Variants in BMP2K observed in about 807,000 individuals in gnomAD.
The protein encoded by BMP2K is BMP2 inducible kinase, also known as BMP-2-inducible protein kinase.
A neutral mutation model predicts 116.0 loss-of-function variants in BMP2K; 74 were observed. That is an observed-to-expected ratio of 0.64 (90% CI 0.53 to 0.77). BMP2K has a LOEUF of 0.77. Among genes scored for constraint, BMP2K ranks in the 30% least tolerant of loss-of-function variants. The probability of loss-of-function intolerance (pLI) is 0.00; values close to 1 mark genes in which losing one functional copy is unlikely to be tolerated. For synonymous variants in BMP2K, 486 were observed against 502.5 expected, an observed-to-expected ratio of 0.97 and a Z score of 0.44; for missense variants, 1,365 against 1,403.6, an observed-to-expected ratio of 0.97 and a Z score of 0.44.
At position 78,819,491 on chromosome 4, in the gene BMP2K, C is replaced by G. The variant is rs75857931; in HGVS notation, c.179-6546C>G. Among the ~76,000 whole-genome samples, 13 of 152,258 alleles carry G rather than the reference C, an allele frequency of 8.5e-5. No individual in the cohort carries two copies. The East Asian group carries it at 2.3e-3, about 27-fold the overall frequency. On this transcript the variant is annotated intron_variant, in intron 1 of 15. Transcript: ENST00000502613. ...CTTTAGAGTAGTCCTATGAGGAGAC[C>G]TTATTATCTCTGCTGAAAGTATAAG...
At chr4:78,887,409 CT>C in intron 15 of BMP2K, 125 bp downstream of exon 15, 1 of 716,084 alleles carries the variant, frequency 1.4e-6, no homozygotes. Context: ...ATATTTTAAC[CT>C]TTAGCCATCC....
At chr4:78,790,400 TAA>T (rs1727941914) in intron 1 of BMP2K, among the ~76,000 whole-genome samples, 1 of 152,132 alleles carries the variant, frequency 6.6e-6, no homozygotes, top group Non-Finnish European at 1.5e-5. Context: ...TACATCCCAG[TAA>T]TAGTTAGAAA....
intron 9 of BMP2K, among the ~76,000 whole-genome samples, chr4:78,864,627 T>C (rs1162751682): frequency 1.3e-5 from 2 of 151,914 alleles, no homozygotes; most frequent in African/African-American, 2.4e-5. Flanking sequence ...CACACAGATA[T>C]TGGGAAATAA....
intron 1 of BMP2K, among the ~76,000 whole-genome samples, chr4:78,792,978 C>CAT (rs1468546812): frequency 6.6e-6 from 1 of 151,974 alleles, no homozygotes; most frequent in African/African-American, 2.4e-5. Flanking sequence ...AACAACATAT[C>CAT]ATATAGATTT....
intron 1 of BMP2K, among the ~76,000 whole-genome samples, chr4:78,794,529 T>C (rs1728160775): frequency 6.6e-6 from 1 of 152,172 alleles, no homozygotes; most frequent in Admixed American, 6.5e-5. Flanking sequence ...TGAGCATTAA[T>C]AGTGTTTGAA....
At chr4:78,893,724 G>A (rs920157432) in intron 15 of BMP2K, among the ~76,000 whole-genome samples, 1 of 152,096 alleles carries the variant, frequency 6.6e-6, no homozygotes, top group African/African-American at 2.4e-5. Flanking sequence ...TACAACACCT[G>A]CGAAATTCTT....
chr4:78,862,907 T>C (rs1240050764), intron 9 of BMP2K, among the ~76,000 whole-genome samples: 1 of 152,120 alleles, frequency 6.6e-6, no homozygotes. Context: ...TCCACTGTTA[T>C]AGTTGAGTGT....
At chr4:78,821,251 G>T (rs577736035) in intron 1 of BMP2K, among the ~76,000 whole-genome samples, 33 of 152,262 alleles carry the variant, frequency 2.2e-4, no homozygotes, top group African/African-American at 7.7e-4. Flanking sequence ...GTGATGATGC[G>T]CTTTGTGTAA....
At chr4:78,873,044 A>T (rs1038254767) in intron 13 of BMP2K, among the ~76,000 whole-genome samples, 2 of 152,076 alleles carry the variant, frequency 1.3e-5, no homozygotes, top group Non-Finnish European at 2.9e-5. Flanking sequence ...AGGGCTAAGG[A>T]TATTATTGGC....
At chr4:78,812,873 T>A (rs968145899) in intron 1 of BMP2K, among the ~76,000 whole-genome samples, 1 of 151,744 alleles carries the variant, frequency 6.6e-6, no homozygotes, top group Non-Finnish European at 1.5e-5. Context: ...CACACCCCCA[T>A]CTCTACCAAA....
At chr4:78,823,515 T>C (rs1729725821) in intron 1 of BMP2K, among the ~76,000 whole-genome samples, 1 of 147,714 alleles carries the variant, frequency 6.8e-6, no homozygotes, top group Non-Finnish European at 1.5e-5. Context: ...TATATATAGT[T>C]ATATATATAG....
In BMP2K at chr4:78,912,292, C is replaced by G. The variant is rs190152494; in HGVS notation, c.*259C>G. 456 of 378,256 alleles carry G rather than the reference C, an allele frequency of 1.2e-3. 1 individual carries two copies. Among genetic ancestry groups the G allele is most frequent in the African/African-American group, 8.8e-3 (424 of 48,440 alleles). 23.4% of individuals were successfully genotyped at this position (378,256 alleles called of 1,614,324 possible). On this transcript the variant is annotated 3_prime_UTR_variant, in exon 16 of 16. Coordinates refer to ENST00000502613, the MANE Select transcript of BMP2K (RefSeq NM_198892.2). ...CTACTGACATCACAACACAGAAATGCAAGTGTGGTACTTCCAGTGAAAGCA... is the reference window on the plus strand; with the variant it reads ...CTACTGACATCACAACACAGAAATGGAAGTGTGGTACTTCCAGTGAAAGCA...
chr4:78,906,644 C>T (rs899060133), intron 15 of BMP2K, among the ~76,000 whole-genome samples: 1 of 152,034 alleles, frequency 6.6e-6, no homozygotes, highest in African/African-American at 2.4e-5. Context: ...TGGATCTCAG[C>T]TCCTCTTGAA....
At chr4:78,873,586 G>A (rs1266198461) in intron 13 of BMP2K, among the ~76,000 whole-genome samples, 1 of 152,028 alleles carries the variant, frequency 6.6e-6, no homozygotes, top group Non-Finnish European at 1.5e-5. Flanking sequence ...AGCAGCATCA[G>A]TAGCATACTT....
chr4:78,805,640 A>C (rs147321145), intron 1 of BMP2K, among the ~76,000 whole-genome samples: 2 of 152,026 alleles, frequency 1.3e-5, no homozygotes, highest in East Asian at 3.9e-4. Context: ...TGTTTTCTTA[A>C]TTTATTTCAG....
chr4:78,854,785 C>T (rs1439380032), intron 7 of BMP2K, among the ~76,000 whole-genome samples: 1 of 152,074 alleles, frequency 6.6e-6, no homozygotes, highest in Non-Finnish European at 1.5e-5. Flanking sequence ...ATTTAATAAT[C>T]TCTACAAATA....
rs1316383483 is a variant in BMP2K, at chr4:78,870,790, A to G, written c.1239A>G (p.Leu413=). The stretch of plus-strand genomic sequence containing the variant: ...GTTTGGACCTGTCTTTAGGGGCACT[A>G]AGACCTGGAAATGGCCCTGAAATTT... The part of the protein sequence containing the change: ...EFGNHRPKGA[L]RPGNGPEILL... The change falls in exon 11 of 16, where the codon CTA becomes CTG. Residue 413 remains leucine (L), a synonymous_variant. Coordinates refer to ENST00000502613, the MANE Select transcript of BMP2K (RefSeq NM_198892.2). 6.2e-7 allele frequency: 1 copy of G among 1,613,510 alleles called. No individual in the cohort carries two copies.
Position 78,806,349 on chromosome 4 carries a change from A to AT in BMP2K, c.179-19679dup, listed in dbSNP as rs1209719743. Among the ~76,000 whole-genome samples, 3 of 151,576 alleles carry AT rather than the reference A, an allele frequency of 2.0e-5. No individual in the cohort carries two copies. In the East Asian group the frequency reaches 5.8e-4, roughly 29 times the overall value. ...TGTTACTATGCCCAGTGAATTTAAA[A>AT]TTTTTTTTTGTAGAGGTAGAGTCTT... On this transcript the variant is annotated intron_variant, in intron 1 of 15. Coordinates refer to ENST00000502613, the MANE Select transcript of BMP2K (RefSeq NM_198892.2).
At chr4:78,811,128 G>A (rs780734965) in intron 1 of BMP2K, among the ~76,000 whole-genome samples, 3 of 152,030 alleles carry the variant, frequency 2.0e-5, no homozygotes, top group Admixed American at 1.3e-4. Flanking sequence ...TGCCTTAAAC[G>A]TAACTCTTTT....
Sources: gnomAD v4.1 joint callset for allele counts (sites outside exome capture counted in the v4.1 genomes callset) on GRCh38, gnomAD v4.1.1 for gene constraint, MANE v1.5 for transcripts, NCBI Gene and HGNC (gene_info 2026-07-23, HGNC 2026-07-21) for gene names.